Variants in SLC22A4 observed in about 807,000 individuals in gnomAD.
The protein encoded by SLC22A4 is solute carrier family 22 member 4, also known as ET transporter.
SLC22A4 carries 39 observed loss-of-function variants against 56.6 expected under a neutral mutation model. The observed-to-expected ratio is 0.69, with a 90% CI of 0.53 to 0.90. The LOEUF is 0.90. Among genes scored for constraint, SLC22A4 ranks in the 40% least tolerant of loss-of-function variants. The pLI, the probability that SLC22A4 is intolerant of heterozygous loss-of-function variation, is 0.00. For missense variants in SLC22A4, 594 were observed against 696.5 expected (o/e 0.85, Z 1.66); for synonymous variants, 241 against 281.4 (o/e 0.86, Z 1.44).
chr5:132,329,600 A>G lies in SLC22A4; in HGVS notation c.952-2156A>G, dbSNP rs898056600. The stretch of plus-strand genomic sequence containing the variant: ...AGGCACCAAAGTACATGCTCTTAAC[A>G]ACTGTGATTTTTCACTTCATGTTAC... On this transcript the variant is annotated intron_variant, in intron 5 of 9. Coordinates refer to ENST00000200652, the MANE Select transcript of SLC22A4 (RefSeq NM_003059.3). Among the ~76,000 whole-genome samples the G allele has an allele frequency of 1.2e-4, 19 of 152,298 alleles. 1 individual carries two copies. The South Asian group carries it at 2.9e-3, about 23-fold the overall frequency.
At chr5:132,341,212 G>C (rs1375858055) in intron 9 of SLC22A4, among the ~76,000 whole-genome samples, 1 of 151,804 alleles carries the variant, frequency 6.6e-6, no homozygotes, top group African/African-American at 2.4e-5. Context: ...GAGGTCAAGA[G>C]ATCGAGACCA....
At chr5:132,328,468 C>T (rs539329384) in intron 5 of SLC22A4, among the ~76,000 whole-genome samples, 1 of 152,288 alleles carries the variant, frequency 6.6e-6, no homozygotes, top group Non-Finnish European at 1.5e-5. Context: ...GAGGCTTAGA[C>T]TGGCCATGAA....
chr5:132,308,510 C>A (rs577750532), intron 1 of SLC22A4, among the ~76,000 whole-genome samples: 1 of 150,322 alleles, frequency 6.7e-6, no homozygotes, highest in Non-Finnish European at 1.5e-5. Context: ...CACATGCCAA[C>A]CCTGAGATCC....
intron 1 of SLC22A4, among the ~76,000 whole-genome samples, chr5:132,302,756 G>A (rs373426128): frequency 6.6e-6 from 1 of 152,130 alleles, no homozygotes; most frequent in Non-Finnish European, 1.5e-5. Flanking sequence ...GGATGCAAGG[G>A]GCACAGCCAG....
intron 1 of SLC22A4, among the ~76,000 whole-genome samples, chr5:132,299,982 C>T (rs1356329555): frequency 1.3e-5 from 2 of 152,154 alleles, no homozygotes; most frequent in Non-Finnish European, 2.9e-5. Context: ...CTTTTTCTAT[C>T]GTAGGATCCC....
rs1317943226 is a variant in SLC22A4, at chr5:132,302,991, T to A, written c.393+7982T>A. On this transcript the variant is annotated intron_variant, in intron 1 of 9. Transcript: ENST00000200652. ...GCTTAGTTGTTTGTAAATGAAAATA[T>A]GAGTAGAAGAATTAAACAGCCAAAA... Among the ~76,000 whole-genome samples, 8 of 152,218 alleles carry A rather than the reference T, an allele frequency of 5.3e-5. 1 individual carries two copies. The highest frequency in any genetic ancestry group is 5.2e-4 in the Admixed American group (8 of 15,284).
intron 4 of SLC22A4, chr5:132,324,461 G>A (rs764710034): frequency 1.1e-5 from 5 of 469,522 alleles, no homozygotes; most frequent in Non-Finnish European, 1.8e-5. Context: ...TATTCCCCAG[G>A]AGCTGGTCCA....
At chr5:132,326,665 A>G (rs979802972) in intron 4 of SLC22A4, among the ~76,000 whole-genome samples, 83 of 152,386 alleles carry the variant, frequency 5.4e-4, no homozygotes, top group African/African-American at 1.9e-3. Flanking sequence ...AAGCTTTTTT[A>G]GACATTAACA....
At chr5:132,333,629 G>A (rs1449753786) in intron 6 of SLC22A4, among the ~76,000 whole-genome samples, 2 of 152,152 alleles carry the variant, frequency 1.3e-5, no homozygotes, top group Non-Finnish European at 2.9e-5. Flanking sequence ...GCCCTGCAGG[G>A]AGTGTCCAGT....
intron 5 of SLC22A4, among the ~76,000 whole-genome samples, chr5:132,328,601 C>T (rs1750750441): frequency 1.5e-5 from 2 of 131,476 alleles, no homozygotes; most frequent in South Asian, 4.5e-4. Flanking sequence ...ACAACAACAA[C>T]AACATTGGGA....
intron 4 of SLC22A4, among the ~76,000 whole-genome samples, chr5:132,323,133 CTT>C (rs1750593683): frequency 6.6e-6 from 1 of 152,178 alleles, no homozygotes; most frequent in African/African-American, 2.4e-5. Context: ...CTCTCATTCT[CTT>C]TCTCTCTCAT....
At chr5:132,330,494 G>A (rs1236172140) in intron 5 of SLC22A4, among the ~76,000 whole-genome samples, 2 of 152,208 alleles carry the variant, frequency 1.3e-5, no homozygotes, top group East Asian at 3.8e-4. Flanking sequence ...GGGAAGCTGA[G>A]GTGGATGGAT....
intron 8 of SLC22A4, among the ~76,000 whole-genome samples, chr5:132,340,068 T>G (rs1023979698): frequency 0.079 from 1,562 of 19,808 alleles, 34 homozygotes; most frequent in African/African-American, 0.27. Flanking sequence ...TAGTTGTTTT[T>G]TTTTTTTTTT....
chr5:132,307,773 T>C (rs897164139), intron 1 of SLC22A4, among the ~76,000 whole-genome samples: 22 of 151,970 alleles, frequency 1.4e-4, no homozygotes, highest in African/African-American at 5.1e-4. Context: ...AGAAAGCCTG[T>C]GTTCTTTGCT....
chr5:132,295,366 T>G (rs1749758063), intron 1 of SLC22A4: 1 of 510,968 alleles, frequency 2.0e-6, no homozygotes, highest in African/African-American at 1.9e-5. Context: ...CTGCCAGGCA[T>G]GGGAGGAGGG....
chr5:132,294,412 A>G lies in SLC22A4; in HGVS notation c.-205A>G. On this transcript the variant is annotated 5_prime_UTR_variant, in exon 1 of 10. Coordinates refer to ENST00000200652, the MANE Select transcript of SLC22A4 (RefSeq NM_003059.3). This position sits in a 1 kb window ranked among gnomAD's most constrained non-coding sequence, Gnocchi z 5.6. The stretch of plus-strand genomic sequence containing the variant: ...TGGTCCCAAGTGTACAGTGGCATCA[A>G]GCTCAGCGCGAGCTCCCGGGAACGC... The G allele has an allele frequency of 1.5e-6, 1 of 663,108 alleles. No individual in the cohort carries two copies. 41.1% of individuals were successfully genotyped at this position (663,108 alleles called of 1,614,324 possible).
intron 1 of SLC22A4, among the ~76,000 whole-genome samples, chr5:132,297,661 G>A (rs759859926): frequency 4.0e-5 from 6 of 151,398 alleles, no homozygotes; most frequent in Non-Finnish European, 5.9e-5. Context: ...CTTAAAAATA[G>A]TTACTACAAA....
At chr5:132,340,371 T>C (rs779174150) in intron 8 of SLC22A4, among the ~76,000 whole-genome samples, 194 bp from the exon 9 acceptor site, 1 of 152,200 alleles carries the variant, frequency 6.6e-6, no homozygotes, top group Admixed American at 6.5e-5. Flanking sequence ...CTTATGATAA[T>C]GCAAAAGGAT....
rs1374472750 is a variant in SLC22A4, at chr5:132,294,481, G to A, written c.-136G>A. ...TTTCCCAGGAACGGTCCCCGGCTTC[G>A]CGCCCCAATTTCTAACAGCCTGCCT... On this transcript the variant is annotated 5_prime_UTR_variant, in exon 1 of 10. Coordinates refer to ENST00000200652, the MANE Select transcript of SLC22A4 (RefSeq NM_003059.3). The surrounding 1 kb of genome is among the most constrained non-coding windows in gnomAD (Gnocchi z 5.6). 21 of 1,262,396 alleles carry A rather than the reference G, an allele frequency of 1.7e-5. No individual in the cohort carries two copies. Among genetic ancestry groups the A allele is most frequent in the Non-Finnish European group, 2.1e-5 (19 of 899,490 alleles). 78.2% of individuals were successfully genotyped at this position (1,262,396 alleles called of 1,614,324 possible).
Sources: allele counts gnomAD v4.1 joint callset (sites outside exome capture counted in the v4.1 genomes callset), GRCh38; gene constraint gnomAD v4.1.1; non-coding constraint Gnocchi (gnomAD v3.1); transcripts MANE v1.5; gene names NCBI Gene and HGNC (gene_info 2026-07-23, HGNC 2026-07-21).